Variants in FHIT observed in about 807,000 individuals in gnomAD.
FHIT encodes fragile histidine triad diadenosine triphosphatase, also known as bis(5'-adenosyl)-triphosphatase.
A neutral mutation model predicts 17.9 loss-of-function variants in FHIT; 19 were observed. The ratio of observed to expected loss-of-function variants is 1.06; its 90% CI spans 0.74 to 1.56. The LOEUF (loss-of-function observed/expected upper bound fraction) is 1.56, where lower values mean the gene tolerates loss of function less well. FHIT is among the 40% of genes most tolerant of loss of function. The pLI is 0.00. For missense variants in FHIT, 248 were observed against 189.2 expected (o/e 1.31, Z -1.82); for synonymous variants, 81 against 69.7 (o/e 1.16, Z -0.81).
chr3:59,932,819 T>A (rs1575720898), intron 7 of FHIT, among the ~76,000 whole-genome samples: 1 of 152,200 alleles, frequency 6.6e-6, no homozygotes, highest in South Asian at 2.1e-4. Context: ...AAGGAAAGAA[T>A]AAGAGTAGTT....
intron 3 of FHIT, among the ~76,000 whole-genome samples, chr3:60,981,957 G>A (rs981774678): frequency 4.6e-5 from 7 of 152,092 alleles, no homozygotes; most frequent in East Asian, 1.9e-4. Context: ...AACATCCCTC[G>A]AGTCCTCCCC....
At chr3:60,860,136 T>TATG (rs1307960420) in intron 3 of FHIT, among the ~76,000 whole-genome samples, 3,129 of 140,248 alleles carry the variant, frequency 0.022, 692 homozygotes, top group Middle Eastern at 0.029. Flanking sequence ...ATATCTGATA[T>TATG]ATATACATAT....
intron 4 of FHIT, among the ~76,000 whole-genome samples, chr3:60,808,673 AC>A (rs1553735156): frequency 1.3e-5 from 2 of 152,300 alleles, no homozygotes; most frequent in South Asian, 2.1e-4. Flanking sequence ...GAAACAAAGA[AC>A]CAAAAGCAAA....
chr3:60,464,671 G>A (rs2032684986), intron 5 of FHIT, among the ~76,000 whole-genome samples: 1 of 152,054 alleles, frequency 6.6e-6, no homozygotes, highest in African/African-American at 2.4e-5. Context: ...TTCCATCCAG[G>A]TTGTTGCAAA....
chr3:59,934,955 A>G (rs900850361), intron 7 of FHIT, among the ~76,000 whole-genome samples: 2 of 152,118 alleles, frequency 1.3e-5, no homozygotes, highest in Admixed American at 1.3e-4. Context: ...ATTTATAATC[A>G]CTGCCTCTAG....
At chr3:60,107,642 A>T (rs769845672) in intron 5 of FHIT, among the ~76,000 whole-genome samples, 1 of 152,196 alleles carries the variant, frequency 6.6e-6, no homozygotes, top group Non-Finnish European at 1.5e-5. Context: ...GCTACTTCCA[A>T]CTGGACAGGC....
intron 8 of FHIT, among the ~76,000 whole-genome samples, chr3:59,759,792 G>A (rs58562029): frequency 0.051 from 7,776 of 152,068 alleles, 668 homozygotes; most frequent in African/African-American, 0.18. Flanking sequence ...CGCCCACGCT[G>A]GACTTTCTTG....
At chr3:60,804,079 G>A (rs1313651741) in intron 4 of FHIT, among the ~76,000 whole-genome samples, 3 of 152,110 alleles carry the variant, frequency 2.0e-5, no homozygotes, top group East Asian at 1.9e-4. Flanking sequence ...ATGTAACCCC[G>A]GAAGGCAGCG....
chr3:59,853,387 T>A (rs1702021721), intron 8 of FHIT, among the ~76,000 whole-genome samples: 1 of 152,236 alleles, frequency 6.6e-6, no homozygotes, highest in South Asian at 2.1e-4. Context: ...TTGGTGAATT[T>A]CATAGCCTAT....
chr3:61,161,424 G>A (rs540645077), intron 2 of FHIT, among the ~76,000 whole-genome samples: 2 of 152,108 alleles, frequency 1.3e-5, no homozygotes, highest in South Asian at 2.1e-4. Flanking sequence ...GGATGGTCTC[G>A]ATCTCCTGAT....
intron 5 of FHIT, among the ~76,000 whole-genome samples, chr3:60,382,326 A>T (rs1700834175): frequency 6.6e-6 from 1 of 152,240 alleles, no homozygotes; most frequent in Non-Finnish European, 1.5e-5. Flanking sequence ...CTAAAAATGC[A>T]ACAAGAGTGC....
chr3:60,701,688 G>A (rs1281989321), intron 4 of FHIT, among the ~76,000 whole-genome samples: 1 of 152,200 alleles, frequency 6.6e-6, no homozygotes, highest in Admixed American at 6.5e-5. Flanking sequence ...ATGTTTCCCT[G>A]TGGAGCGATT....
chr3:60,255,408 C>A (rs1216023185), intron 5 of FHIT, among the ~76,000 whole-genome samples: 1 of 152,064 alleles, frequency 6.6e-6, no homozygotes, highest in African/African-American at 2.4e-5. Flanking sequence ...TCTTTAGGGG[C>A]CTGGCAGGTA....
chr3:60,861,589 A>G (rs1703897311), intron 3 of FHIT, among the ~76,000 whole-genome samples: 1 of 151,936 alleles, frequency 6.6e-6, no homozygotes, highest in Non-Finnish European at 1.5e-5. Context: ...CATCATTGCT[A>G]TCATCATCAT....
intron 5 of FHIT, among the ~76,000 whole-genome samples, chr3:60,353,561 TA>T: frequency 6.6e-6 from 1 of 152,254 alleles, no homozygotes; most frequent in South Asian, 2.1e-4. Flanking sequence ...GACAACAAAT[TA>T]AGCATGAATA....
intron 4 of FHIT, among the ~76,000 whole-genome samples, chr3:60,651,362 C>A (rs1015689424): frequency 6.6e-6 from 1 of 151,958 alleles, no homozygotes; most frequent in Non-Finnish European, 1.5e-5. Context: ...TATTTTCAAA[C>A]CTTTGTTAAT....
chr3:60,614,671 G>C (rs1005802039), intron 4 of FHIT, among the ~76,000 whole-genome samples: 2 of 151,938 alleles, frequency 1.3e-5, no homozygotes, highest in African/African-American at 4.8e-5. Context: ...ATTCTATTTG[G>C]ACATTACAGT....
intron 5 of FHIT, among the ~76,000 whole-genome samples, chr3:60,451,025 T>C (rs1339997908): frequency 2.6e-5 from 4 of 152,170 alleles, no homozygotes; most frequent in Admixed American, 1.3e-4. Flanking sequence ...TAATGAAAAC[T>C]TGTTTTTAGG....
intron 7 of FHIT, among the ~76,000 whole-genome samples, chr3:59,982,578 T>C (rs1000871666): frequency 5.3e-5 from 8 of 152,206 alleles, no homozygotes; most frequent in Admixed American, 2.6e-4. Flanking sequence ...TATTTCACAA[T>C]GAATTTTTGC....
Sources: gnomAD v4.1 joint callset for allele counts (sites outside exome capture counted in the v4.1 genomes callset) on GRCh38, gnomAD v4.1.1 for gene constraint, MANE v1.5 for transcripts, NCBI Gene and HGNC (gene_info 2026-07-23, HGNC 2026-07-21) for gene names.